The following COL21A1 variants were observed in gnomAD, a reference collection of about 807,000 sequenced individuals.
The protein encoded by COL21A1 is collagen type XXI alpha 1 chain.
A neutral mutation model predicts 137.9 loss-of-function variants in COL21A1; 149 were observed. That is an observed-to-expected ratio of 1.08 (90% confidence interval 0.95 to 1.24). COL21A1 has a LOEUF of 1.24. COL21A1 is among the 50% of genes most tolerant of loss of function. The pLI, the probability that COL21A1 is intolerant of heterozygous loss-of-function variation, is 0.00. For missense variants in COL21A1, 1,167 were observed against 1,158.4 expected (o/e 1.01, Z -0.11); for synonymous variants, 456 against 391.5 (o/e 1.16, Z -1.95).
intron 14 of COL21A1, 65 bp downstream of exon 14, chr6:56,125,502 T>A (rs1008927882): frequency 8.7e-7 from 1 of 1,143,960 alleles, no homozygotes. Context: ...ACTGCAATTC[T>A]AGTTTTCTGT....
At chr6:56,105,797 G>C (rs1471324089) in intron 16 of COL21A1, among the ~76,000 whole-genome samples, 1 of 152,188 alleles carries the variant, frequency 6.6e-6, no homozygotes, top group Non-Finnish European at 1.5e-5. Flanking sequence ...CCAAGCTCTT[G>C]GAAATATCCA....
intron 3 of COL21A1, among the ~76,000 whole-genome samples, chr6:56,174,402 C>G (rs1276616176): frequency 1.3e-5 from 2 of 151,562 alleles, no homozygotes; most frequent in Non-Finnish European, 3.0e-5. Flanking sequence ...TTGGAAAAAT[C>G]AACAAAATTG....
chr6:56,383,419 A>G (rs62412454), intron 1 of COL21A1, among the ~76,000 whole-genome samples: 1 of 152,194 alleles, frequency 6.6e-6, no homozygotes, highest in Admixed American at 6.5e-5. Context: ...CATTGCAAGA[A>G]CTGTTTTCTT....
chr6:56,393,050 C>CAAAAAAAAAAAAA (rs34338247), intron 1 of COL21A1, among the ~76,000 whole-genome samples: 1 of 123,822 alleles, frequency 8.1e-6, no homozygotes. Context: ...CAATCCTTAG[C>CAAAAAAAAAAAAA]AAAAAAAAAA....
chr6:56,199,947 A>G (rs1779271135), intron 1 of COL21A1, among the ~76,000 whole-genome samples: 1 of 152,210 alleles, frequency 6.6e-6, no homozygotes, highest in African/African-American at 2.4e-5. Flanking sequence ...TGGTAAGTGT[A>G]TAATGAAAAC....
chr6:56,182,385 G>T lies in COL21A1; in HGVS notation c.88+146C>A, dbSNP rs1434936664. ...GGAAGCTTTTCTTCTCAGTTAATGA[G>T]TAACATAGCAATTCATTTATTTTAG... On this transcript the variant is annotated intron_variant, in intron 2 of 29. Transcript: ENST00000244728. The T allele has an allele frequency of 1.5e-5, 9 of 604,834 alleles. No individual in the cohort carries two copies. The East Asian group carries it at 2.5e-4, about 17-fold the overall frequency. 37.5% of individuals were successfully genotyped at this position (604,834 alleles called of 1,614,324 possible). A position where few individuals can be genotyped will look rare whatever the true frequency, so the allele number is the denominator to read the frequency against.
intron 1 of COL21A1, among the ~76,000 whole-genome samples, chr6:56,368,591 AG>A (rs1259299719): frequency 1.3e-5 from 2 of 152,246 alleles, no homozygotes; most frequent in African/African-American, 4.8e-5. Flanking sequence ...GGTTGGAACC[AG>A]GTTCTTACTC....
chr6:56,337,420 G>A (rs1562062559), intron 1 of COL21A1, among the ~76,000 whole-genome samples: 1 of 152,156 alleles, frequency 6.6e-6, no homozygotes. Flanking sequence ...ATAGCCATTA[G>A]GCCTATATGA....
At chr6:56,369,498 T>A (rs377480668) in intron 1 of COL21A1, among the ~76,000 whole-genome samples, 1 of 151,484 alleles carries the variant, frequency 6.6e-6, no homozygotes. Flanking sequence ...GACATAAAGG[T>A]AGAAAAAAAA....
chr6:56,138,270 T>C (rs1421525433), intron 12 of COL21A1, among the ~76,000 whole-genome samples: 4 of 150,676 alleles, frequency 2.7e-5, no homozygotes, highest in African/African-American at 4.9e-5. Context: ...TATTATTTAC[T>C]ATAGTAGTAA....
intron 1 of COL21A1, among the ~76,000 whole-genome samples, chr6:56,361,674 A>G (rs1385371751): frequency 5.4e-5 from 8 of 149,394 alleles, no homozygotes. Flanking sequence ...ATTTTAAATT[A>G]GGAACGAAAG....
At chr6:56,204,730 C>T (rs1250191257) in intron 1 of COL21A1, among the ~76,000 whole-genome samples, 1 of 152,150 alleles carries the variant, frequency 6.6e-6, no homozygotes. Context: ...TACAGGAGAG[C>T]TCTGGCTGGC....
At chr6:56,262,164 A>G (rs1763295091) in intron 1 of COL21A1, among the ~76,000 whole-genome samples, 1 of 152,188 alleles carries the variant, frequency 6.6e-6, no homozygotes. Context: ...CATAGTCACC[A>G]TAAATGTGTC....
At chr6:56,061,484 A>C (rs1024736650) in intron 25 of COL21A1, among the ~76,000 whole-genome samples, 165 bp downstream of exon 25, 8 of 152,170 alleles carry the variant, frequency 5.3e-5, no homozygotes, top group African/African-American at 1.9e-4. Flanking sequence ...TTCAGTATAA[A>C]TGTACATATT....
Position 56,375,708 on chromosome 6 carries a change from A to G in COL21A1, c.-39+18263T>C, listed in dbSNP as rs2093997718. On this transcript the variant is annotated intron_variant, in intron 1 of 28. Transcript: ENST00000370819. Reference sequence around the variant, plus strand: ...CCATCAGGTTCCTGCCAGGACCACGACTGATGCAAAATCAAATCAAAATAT... The same window carrying G: ...CCATCAGGTTCCTGCCAGGACCACGGCTGATGCAAAATCAAATCAAAATAT... Among the ~76,000 whole-genome samples the G allele has an allele frequency of 2.0e-5, 3 of 152,188 alleles. No homozygotes were observed. The South Asian group carries it at 6.2e-4, about 32-fold the overall frequency.
rs1359730247 is a variant in COL21A1, at chr6:56,075,499, T to A, written c.1891A>T (p.Lys631Ter). ...CATACAGGCATCCCTGGGGCTCCTT[T>A]TTTTCCTTGCTGTCCTGGAGGCCCA... ...EIGPPGQQGKKGAPGMPGLMG... is the reference protein window; with the variant it reads ...EIGPPGQQGK The change falls in exon 19 of 30, where the codon AAA becomes TAA. Residue 631 changes from lysine to a stop codon, truncating the protein, a stop_gained. Transcript: ENST00000244728. LOFTEE classifies it high-confidence loss of function. 1 of 1,538,740 alleles carries A rather than the reference T, an allele frequency of 6.5e-7. No homozygotes were observed.
At chr6:56,166,640 A>C (rs1373816675) in intron 7 of COL21A1, 1 of 504,722 alleles carries the variant, frequency 2.0e-6, no homozygotes, top group East Asian at 3.9e-5. Flanking sequence ...GACAAGAGTG[A>C]GACTCCAAAT....
intron 1 of COL21A1, among the ~76,000 whole-genome samples, chr6:56,183,657 G>T (rs1778066096): frequency 6.6e-6 from 1 of 152,110 alleles, no homozygotes; most frequent in Admixed American, 6.6e-5. Flanking sequence ...TAAAACAGTG[G>T]CCAAGACTTG....
intron 1 of COL21A1, among the ~76,000 whole-genome samples, chr6:56,345,659 C>T (rs1582796074): frequency 6.6e-6 from 1 of 152,220 alleles, no homozygotes; most frequent in Admixed American, 6.5e-5. Context: ...ATTCTTTCTT[C>T]CCCCAAAATG....
Sources: gnomAD v4.1 joint callset for allele counts (sites outside exome capture counted in the v4.1 genomes callset) on GRCh38, gnomAD v4.1.1 for gene constraint, MANE v1.5 for transcripts, NCBI Gene and HGNC (gene_info 2026-07-23, HGNC 2026-07-21) for gene names.